Variants in THSD7B observed in about 807,000 individuals in gnomAD.
THSD7B encodes thrombospondin type 1 domain containing 7B, also known as thrombospondin type-1 domain-containing protein 7B.
Under a neutral mutation model 213.6 loss-of-function variants are expected in THSD7B, and 138 were observed. That is an observed-to-expected ratio of 0.65 (90% CI 0.56 to 0.74). THSD7B has a LOEUF of 0.74. Among genes scored for constraint, THSD7B ranks in the 30% least tolerant of loss-of-function variants. The probability of loss-of-function intolerance (pLI) is 0.00; values close to 1 mark genes in which losing one functional copy is unlikely to be tolerated. For missense variants in THSD7B, 1,931 were observed against 1,991.5 expected (o/e 0.97, Z 0.58); for synonymous variants, 742 against 687.0 (o/e 1.08, Z -1.25).
chr2:137,163,123 C>T (rs1347040478), intron 6 of THSD7B, among the ~76,000 whole-genome samples: 1 of 152,108 alleles, frequency 6.6e-6, no homozygotes, highest in Non-Finnish European at 1.5e-5. Flanking sequence ...CTCCCTTGGC[C>T]CCATTCCGCC....
intron 17 of THSD7B, among the ~76,000 whole-genome samples, chr2:137,599,056 CCA>C (rs1205752393): frequency 7.3e-6 from 1 of 137,302 alleles, no homozygotes; most frequent in African/African-American, 2.7e-5. Context: ...ACCACAGTCC[CCA>C]GAGTGTGGTA....
In THSD7B at chr2:137,416,387, C is replaced by G. The variant is rs1005501078; in HGVS notation, c.2959+4515C>G. Among the ~76,000 whole-genome samples, 7 of 152,314 alleles carry G rather than the reference C, an allele frequency of 4.6e-5. No individual in the cohort carries two copies. In the South Asian group the frequency reaches 6.2e-4, roughly 14 times the overall value. On this transcript the variant is annotated intron_variant, in intron 14 of 27. Coordinates refer to ENST00000409968, the MANE Select transcript of THSD7B (RefSeq NM_001316349.2). ...CTCCTGTCATGGGACTCTTCATCCTCTGGGTTAAGATCAGGTGCTACCCAT... is the reference window on the plus strand; with the variant it reads ...CTCCTGTCATGGGACTCTTCATCCTGTGGGTTAAGATCAGGTGCTACCCAT...
intron 1 of THSD7B, among the ~76,000 whole-genome samples, chr2:136,808,768 T>C (rs973884348): frequency 2.6e-5 from 4 of 152,248 alleles, no homozygotes; most frequent in African/African-American, 9.6e-5. Flanking sequence ...CTGTATCTTC[T>C]GGCCACAGTT....
At chr2:136,885,430 A>T (rs1281757029) in intron 2 of THSD7B, among the ~76,000 whole-genome samples, 1 of 152,242 alleles carries the variant, frequency 6.6e-6, no homozygotes, top group East Asian at 1.9e-4. Context: ...AAGGTCATTG[A>T]TCTGTCAAGG....
rs185456799 is a variant in THSD7B at position 137,016,165 on chromosome 2, G to A, written c.140-40255G>A. On this transcript the variant is annotated intron_variant, in intron 2 of 27. Coordinates refer to ENST00000409968, the MANE Select transcript of THSD7B (RefSeq NM_001316349.2). ...AGGTAAAGTGTTCCTCATCTATGAGGAAATTGAGGCTTGGGGGGTGAGGTG... is the reference window on the plus strand; with the variant it reads ...AGGTAAAGTGTTCCTCATCTATGAGAAAATTGAGGCTTGGGGGGTGAGGTG... Among the ~76,000 whole-genome samples, 866 of 152,202 alleles carry A rather than the reference G, an allele frequency of 5.7e-3. 3 individuals carry two copies. The highest frequency in any genetic ancestry group is 0.01 in the Non-Finnish European group (689 of 67,990).
chr2:136,802,226 G>A (rs181652539), intron 1 of THSD7B, among the ~76,000 whole-genome samples: 1 of 152,206 alleles, frequency 6.6e-6, no homozygotes, highest in East Asian at 1.9e-4. Context: ...TTTCAAAGCT[G>A]ACAGAAATGT....
intron 12 of THSD7B, among the ~76,000 whole-genome samples, chr2:137,324,058 C>T (rs1470163599): frequency 6.6e-6 from 1 of 152,152 alleles, no homozygotes; most frequent in African/African-American, 2.4e-5. Context: ...ATTATCTTTT[C>T]CCTCATTGTC....
At chr2:137,429,377 C>T (rs1687125540) in intron 14 of THSD7B, among the ~76,000 whole-genome samples, 1 of 151,940 alleles carries the variant, frequency 6.6e-6, no homozygotes, top group South Asian at 2.1e-4. Context: ...AATAACAATT[C>T]AAAGGAATAG....
At chr2:137,217,024 C>G (rs1167832936) in intron 7 of THSD7B, among the ~76,000 whole-genome samples, 1 of 152,082 alleles carries the variant, frequency 6.6e-6, no homozygotes, top group Non-Finnish European at 1.5e-5. Context: ...AAATGAGAGC[C>G]CCTTTTGCAA....
At chr2:137,489,134 G>A (rs1416152824) in intron 15 of THSD7B, among the ~76,000 whole-genome samples, 1 of 152,100 alleles carries the variant, frequency 6.6e-6, no homozygotes, top group Admixed American at 6.6e-5. Context: ...CCCCTTCTTA[G>A]GAAAATGTTG....
intron 3 of THSD7B, among the ~76,000 whole-genome samples, chr2:137,059,472 C>T (rs1001516940): frequency 6.6e-6 from 1 of 152,070 alleles, no homozygotes; most frequent in Non-Finnish European, 1.5e-5. Context: ...TCCACAATTA[C>T]GGTATCATAC....
intron 7 of THSD7B, among the ~76,000 whole-genome samples, chr2:137,225,312 C>G (rs1229667188): frequency 6.6e-6 from 1 of 152,144 alleles, no homozygotes; most frequent in Non-Finnish European, 1.5e-5. Context: ...GATGCAGTTC[C>G]AAAATAATCA....
At chr2:137,559,579 A>G (rs1681063652) in intron 15 of THSD7B, among the ~76,000 whole-genome samples, 1 of 152,192 alleles carries the variant, frequency 6.6e-6, no homozygotes, top group Non-Finnish European at 1.5e-5. Flanking sequence ...TGGACTAATG[A>G]CTTAAATGTT....
At chr2:137,263,641 C>G (rs1248821989) in intron 10 of THSD7B, among the ~76,000 whole-genome samples, 1 of 152,130 alleles carries the variant, frequency 6.6e-6, no homozygotes, top group Admixed American at 6.5e-5. Context: ...TCCTGGAAAG[C>G]AGAAAAGCTT....
chr2:137,219,852 A>G (rs1550085), intron 7 of THSD7B, among the ~76,000 whole-genome samples: 90,760 of 151,950 alleles, frequency 0.6, 27,522 homozygotes, highest in South Asian at 0.71. Flanking sequence ...ACTAAATAAT[A>G]TTTCAGCCAC....
intron 7 of THSD7B, among the ~76,000 whole-genome samples, chr2:137,195,792 AATC>A (rs1680748160): frequency 6.6e-6 from 1 of 152,196 alleles, no homozygotes; most frequent in Admixed American, 6.5e-5. Flanking sequence ...GTCAGGCAAG[AATC>A]ATCAACGAAT....
chr2:136,846,339 A>T (rs1212104488), intron 1 of THSD7B, among the ~76,000 whole-genome samples: 1 of 152,168 alleles, frequency 6.6e-6, no homozygotes, highest in Non-Finnish European at 1.5e-5. Flanking sequence ...GCCACTCTTA[A>T]GATTACCTTT....
intron 15 of THSD7B, among the ~76,000 whole-genome samples, chr2:137,484,037 T>A (rs1477416547): frequency 6.6e-6 from 1 of 151,968 alleles, no homozygotes; most frequent in Non-Finnish European, 1.5e-5. Flanking sequence ...ATTATTATTA[T>A]ACTTTAAGTT....
intron 12 of THSD7B, among the ~76,000 whole-genome samples, chr2:137,293,972 C>T (rs193116481): frequency 2.0e-5 from 3 of 152,216 alleles, no homozygotes; most frequent in South Asian, 4.2e-4. Flanking sequence ...TTGTAGCTCA[C>T]TTGGCCCTAA....
Sources: gnomAD v4.1 joint callset for allele counts (sites outside exome capture counted in the v4.1 genomes callset) on GRCh38, gnomAD v4.1.1 for gene constraint, MANE v1.5 for transcripts, NCBI Gene and HGNC (gene_info 2026-07-23, HGNC 2026-07-21) for gene names.